Variants in GPR158 observed in about 807,000 individuals in gnomAD.
The protein encoded by GPR158 is G protein-coupled receptor 158, also known as metabotropic glycine receptor.
A neutral mutation model predicts 78.2 loss-of-function variants in GPR158; 30 were observed. That is an observed-to-expected ratio of 0.38 (90% CI 0.29 to 0.52). The LOEUF (loss-of-function observed/expected upper bound fraction) is 0.52, where lower values mean the gene tolerates loss of function less well. GPR158 is among the 20% of genes least tolerant of loss of function. The pLI, the probability that GPR158 is intolerant of heterozygous loss-of-function variation, is 0.83. For missense variants in GPR158, 1,463 were observed against 1,523.5 expected (o/e 0.96, Z 0.66); for synonymous variants, 581 against 591.1 (o/e 0.98, Z 0.25).
At chr10:25,491,264 AG>A (rs1169480580) in intron 5 of GPR158, among the ~76,000 whole-genome samples, 1 of 152,168 alleles carries the variant, frequency 6.6e-6, no homozygotes, top group African/African-American at 2.4e-5. Flanking sequence ...GCAGTTAAAG[AG>A]CCATATGTCT....
chr10:25,396,958 C>T (rs867702042), intron 3 of GPR158, among the ~76,000 whole-genome samples: 3 of 152,148 alleles, frequency 2.0e-5, no homozygotes, highest in Non-Finnish European at 4.4e-5. Context: ...ACTCTTAGTT[C>T]CTAAAAGTTC....
At chr10:25,291,513 C>T (rs140916261) in intron 2 of GPR158, among the ~76,000 whole-genome samples, 189 of 152,012 alleles carry the variant, frequency 1.2e-3, no homozygotes, top group Non-Finnish European at 1.9e-3. Flanking sequence ...ATGAGTTTCA[C>T]GAGGCTGCTT....
intron 7 of GPR158, among the ~76,000 whole-genome samples, chr10:25,582,641 T>C (rs1255649946): frequency 6.6e-6 from 1 of 152,182 alleles, no homozygotes; most frequent in African/African-American, 2.4e-5. Flanking sequence ...TTGACTGTGT[T>C]ACTCCCCATT....
At chr10:25,528,596 C>T (rs904340494) in intron 5 of GPR158, among the ~76,000 whole-genome samples, 7 of 152,192 alleles carry the variant, frequency 4.6e-5, no homozygotes, top group African/African-American at 1.7e-4. Context: ...TGCAAGAAAT[C>T]TACACTGACA....
At chr10:25,448,411 T>G (rs4747520) in intron 4 of GPR158, among the ~76,000 whole-genome samples, 61,607 of 151,978 alleles carry the variant, frequency 0.41, 13,070 homozygotes, top group South Asian at 0.54. Flanking sequence ...CTTTAGTAGA[T>G]AGTTTTGAGA....
intron 6 of GPR158, among the ~76,000 whole-genome samples, chr10:25,568,327 G>A (rs1168944965): frequency 2.0e-5 from 3 of 152,188 alleles, no homozygotes; most frequent in Admixed American, 2.0e-4. Flanking sequence ...GCCACATTTA[G>A]GAGATCCTTG....
chr10:25,277,130 A>G (rs762114565), intron 2 of GPR158, among the ~76,000 whole-genome samples: 1 of 151,884 alleles, frequency 6.6e-6, no homozygotes, highest in Non-Finnish European at 1.5e-5. Context: ...AAAAATTTTT[A>G]AAAGAAATTA....
intron 2 of GPR158, among the ~76,000 whole-genome samples, chr10:25,268,354 GT>G (rs1854070968): frequency 6.6e-6 from 1 of 152,086 alleles, no homozygotes; most frequent in South Asian, 2.1e-4. Context: ...TAGTATATCT[GT>G]GAAGTCTTTG....
chr10:25,262,823 A>G (rs547263007), intron 2 of GPR158, among the ~76,000 whole-genome samples: 1 of 152,346 alleles, frequency 6.6e-6, no homozygotes, highest in South Asian at 2.1e-4. Context: ...ATCTACCATT[A>G]TAGTATCATA....
At chr10:25,459,835 AT>A (rs942800791) in intron 4 of GPR158, among the ~76,000 whole-genome samples, 5 of 140,710 alleles carry the variant, frequency 3.6e-5, no homozygotes, top group African/African-American at 1.2e-4. Flanking sequence ...AATTTGACAT[AT>A]TTTTTTGTCT....
intron 1 of GPR158, among the ~76,000 whole-genome samples, chr10:25,191,161 A>G (rs748803835): frequency 2.0e-5 from 3 of 152,250 alleles, no homozygotes; most frequent in Non-Finnish European, 4.4e-5. Flanking sequence ...TAAAGAACCA[A>G]TGTTTTTAGT....
intron 2 of GPR158, among the ~76,000 whole-genome samples, chr10:25,271,642 A>C (rs1428361390): frequency 6.6e-6 from 1 of 152,174 alleles, no homozygotes; most frequent in African/African-American, 2.4e-5. Flanking sequence ...ACCTATATAC[A>C]GTTCTATGCC....
chr10:25,256,340 T>C (rs967174623), intron 2 of GPR158, among the ~76,000 whole-genome samples: 3 of 152,200 alleles, frequency 2.0e-5, no homozygotes, highest in Admixed American at 2.0e-4. Context: ...TTCCACATGG[T>C]AGAAACTGAT....
Position 25,589,033 on chromosome 10 carries a change from G to A in GPR158, c.1780G>A (p.Val594Ile). 1 of 1,587,880 alleles carries A rather than the reference G, an allele frequency of 6.3e-7. No homozygotes were observed. The highest frequency in any genetic ancestry group is 2.2e-5 in the East Asian group (1 of 44,618). The change falls in exon 8 of 11, where the codon GTT becomes ATT. Residue 594 changes from valine (V) to isoleucine (I), a missense_variant. Physicochemically the swap from Val to Ile is conservative, Grantham distance 29. Coordinates refer to ENST00000376351, the MANE Select transcript of GPR158 (RefSeq NM_020752.3). ...VAEFLFLLWGVYLCYAVRTVP... is the reference protein window; with the variant it reads ...VAEFLFLLWGIYLCYAVRTVP... ...TGAATTTTTATTCCTCTTGTGGGGT[G>A]TTTATCTCTGCTATGCAGTGCGGAC...
intron 2 of GPR158, among the ~76,000 whole-genome samples, chr10:25,231,669 T>C (rs909555388): frequency 2.0e-5 from 3 of 152,176 alleles, no homozygotes; most frequent in African/African-American, 7.2e-5. Flanking sequence ...CTGGTGTTAA[T>C]GGAAGGGACC....
intron 2 of GPR158, among the ~76,000 whole-genome samples, chr10:25,329,027 A>G (rs1209158778): frequency 6.6e-6 from 1 of 151,562 alleles, no homozygotes; most frequent in African/African-American, 2.4e-5. Context: ...ATTACTTTCC[A>G]TTTACTATTC....
intron 5 of GPR158, among the ~76,000 whole-genome samples, chr10:25,504,913 G>A (rs369319766): frequency 1.3e-5 from 2 of 152,128 alleles, no homozygotes; most frequent in African/African-American, 4.8e-5. Flanking sequence ...AGTTCAGTGC[G>A]GAGTTGAGAG....
intron 7 of GPR158, among the ~76,000 whole-genome samples, chr10:25,582,409 G>A (rs928553099): frequency 1.3e-5 from 2 of 152,098 alleles, no homozygotes; most frequent in Non-Finnish European, 2.9e-5. Context: ...AGAGAGAACA[G>A]TATAGTCTCC....
intron 1 of GPR158, among the ~76,000 whole-genome samples, chr10:25,212,626 G>GTTTT (rs1588737869): frequency 9.5e-6 from 1 of 105,076 alleles, no homozygotes; most frequent in African/African-American, 4.0e-5. Flanking sequence ...AGAATTTATA[G>GTTTT]CTTTTTTTTT....
Sources: gnomAD v4.1 joint callset for allele counts (sites outside exome capture counted in the v4.1 genomes callset) on GRCh38, gnomAD v4.1.1 for gene constraint, MANE v1.5 for transcripts, NCBI Gene and HGNC (gene_info 2026-07-23, HGNC 2026-07-21) for gene names.